The following CD79B variants were observed in gnomAD, a reference collection of about 807,000 sequenced individuals.
The protein encoded by CD79B is CD79b molecule, also known as B-cell antigen receptor complex-associated protein beta chain.
In CD79B, 7 loss-of-function variants were observed where a neutral mutation model predicts 30.0. The observed-to-expected ratio is 0.23, with a 90% CI of 0.13 to 0.44. The LOEUF is 0.44. Among genes scored for constraint, CD79B ranks in the 20% least tolerant of loss-of-function variants. The pLI, the probability that CD79B is intolerant of heterozygous loss-of-function variation, is 1.00. For synonymous variants in CD79B, 118 were observed against 119.2 expected (o/e 0.99, Z 0.07); for missense variants, 218 against 299.1 (o/e 0.73, Z 2.00).
intron 1 of CD79B, chr17:63,931,978 T>G: frequency 1.6e-6 from 1 of 639,082 alleles, no homozygotes; most frequent in Non-Finnish European, 2.9e-6. Flanking sequence ...AGCCTGATGC[T>G]CTCCAGGCAG....
chr17:63,929,919 G>A, intron 3 of CD79B, 31 bp from the exon 4 acceptor site: 2 of 1,577,502 alleles, frequency 1.3e-6, no homozygotes, highest in Non-Finnish European at 1.7e-6. Flanking sequence ...TTGTGAGCCT[G>A]GGCCACAGTC....
chr17:63,932,130 A>G (rs1389782241), intron 1 of CD79B, 65 bp downstream of exon 1: 34 of 1,420,484 alleles, frequency 2.4e-5, no homozygotes, highest in Non-Finnish European at 3.3e-5. Flanking sequence ...CAGGAGGCAG[A>G]GCCGCAGGGC....
intron 5 of CD79B, 37 bp downstream of exon 5, chr17:63,929,397 G>T (rs376784116): frequency 1.4e-4 from 218 of 1,612,706 alleles, no homozygotes; most frequent in Admixed American, 4.7e-4. Context: ...CACTGACCCC[G>T]AGGACTCAGA....
At chr17:63,929,616 G>A (rs1178697671) in intron 4 of CD79B, 141 bp from the exon 5 acceptor site, 6 of 1,006,632 alleles carry the variant, frequency 6.0e-6, no homozygotes, top group African/African-American at 3.2e-5. Flanking sequence ...AATGAAGGAA[G>A]GAAGGAAGGA....
At chr17:63,931,178 C>T in intron 2 of CD79B, 157 bp downstream of exon 2, 1 of 743,856 alleles carries the variant, frequency 1.3e-6, no homozygotes, top group South Asian at 1.5e-5. Flanking sequence ...GGGTGGGGCT[C>T]AGAGGAGATC....
In CD79B at chr17:63,930,380, C is replaced by T. The variant is rs1908053121; in HGVS notation, c.124G>A (p.Ala42Thr). Residue 42 changes from alanine (A) to threonine (T), a missense_variant, in exon 3 of 6, where the codon GCT becomes ACT. Transcript: ENST00000006750. ...EDRYRNPKGS[A>T]CSRIWQSPRF... Reference sequence around the variant, plus strand: ...GGGCTCTGCCAGATCCGCGAACAAGCACTACCTGTGGGTGCCAAGGCCAGG... The same window carrying T: ...GGGCTCTGCCAGATCCGCGAACAAGTACTACCTGTGGGTGCCAAGGCCAGG... The T allele has an allele frequency of 1.5e-5, 24 of 1,613,528 alleles. No individual in the cohort carries two copies. In the East Asian group the frequency reaches 5.3e-4, roughly 36 times the overall value.
At chr17:63,932,057 C>CTGAGAGGGAGA (rs1370809219) in intron 1 of CD79B, 138 bp downstream of exon 1, 1 of 822,406 alleles carries the variant, frequency 1.2e-6, no homozygotes, top group African/African-American at 1.7e-5. Flanking sequence ...GACCCAGGCC[C>CTGAGAGGGAGA]CAGGGCCATG....
At chr17:63,929,581 G>C (rs1907987785) in intron 4 of CD79B, 106 bp from the exon 5 acceptor site, 1 of 1,224,918 alleles carries the variant, frequency 8.2e-7, no homozygotes. Flanking sequence ...GGTCAGGAGT[G>C]AGGTGCATTC....
intron 1 of CD79B, chr17:63,931,919 C>G: frequency 1.9e-6 from 1 of 531,396 alleles, no homozygotes; most frequent in Non-Finnish European, 3.4e-6. Context: ...GAGCCTAGTT[C>G]TTCCACGGTC....
At chr17:63,930,819 G>C (rs1186533944) in intron 2 of CD79B, 1 of 309,706 alleles carries the variant, frequency 3.2e-6, no homozygotes, top group Non-Finnish European at 6.2e-6. Flanking sequence ...CAAATTCCTA[G>C]TCTGTCAACT....
At chr17:63,932,062 G>C (rs1338632500) in intron 1 of CD79B, 133 bp downstream of exon 1, 15 of 840,954 alleles carry the variant, frequency 1.8e-5, no homozygotes, top group Non-Finnish European at 2.6e-5. Context: ...AGGCCCCAGG[G>C]CCATGAGAGG....
chr17:63,931,366 G>GGCTGCTGGTACTGGCTCA lies in CD79B; in HGVS notation c.69_86dup (p.Glu24_Ala29dup). 6.2e-7 allele frequency: 1 copy of GGCTGCTGGTACTGGCTCA among 1,614,110 alleles called. No individual in the cohort carries two copies. Among genetic ancestry groups the GGCTGCTGGTACTGGCTCA allele is most frequent in the East Asian group, 2.2e-5 (1 of 44,884 alleles). ...GATTCCGGTACCGGTCCTCCGATCT[G>GGCTGCTGGTACTGGCTCA]GCTGCTGGTACTGGCTCAGCTGCTG... On this transcript the variant is annotated inframe_insertion, in exon 2 of 6. Transcript: ENST00000006750.
intron 2 of CD79B, chr17:63,931,008 G>GA: frequency 2.3e-6 from 1 of 426,606 alleles, no homozygotes; most frequent in Non-Finnish European, 4.4e-6. Context: ...CCCTGCACTG[G>GA]AGGGCTCACC....
At position 63,930,371 on chromosome 17, in the gene CD79B, G is replaced by T. The variant is rs1443194987; in HGVS notation, c.133C>A (p.Arg45=). Residue 45 remains arginine, a synonymous_variant, in exon 3 of 6, where the codon CGG becomes AGG. Transcript: ENST00000006750. ...YRNPKGSACS[R]IWQSPRFIAR... is the part of the protein sequence containing the mutation. The stretch of plus-strand genomic sequence containing the variant: ...ATGAAACGTGGGCTCTGCCAGATCC[G>T]CGAACAAGCACTACCTGTGGGTGCC... 6.2e-7 allele frequency: 1 copy of T among 1,613,692 alleles called. No individual in the cohort carries two copies. The highest frequency in any genetic ancestry group is 8.5e-7 in the Non-Finnish European group (1 of 1,179,964).
Position 63,929,281 on chromosome 17 carries a change from G to A in CD79B, c.635C>T (p.Thr212Met), listed in dbSNP as rs149266494. 29 of 1,613,884 alleles carry A rather than the reference G, an allele frequency of 1.8e-5. No individual in the cohort carries two copies. Among genetic ancestry groups the A allele is most frequent in the East Asian group, 2.2e-5 (1 of 44,890 alleles). ...DQTATYEDIV[T>M]LRTGEVKWSV... is the part of the protein sequence containing the mutation. ...CCACTTCACTTCCCCTGTCCGCAGC[G>A]TCACTATGTCCTCATAGGTGGCTGT... The change falls in exon 6 of 6, where the codon ACG becomes ATG. Residue 212 changes from threonine (T) to methionine (M), a missense_variant. Thr to Met is a moderately conservative substitution (Grantham distance 81, BLOSUM62 -1). Transcript: ENST00000006750.
At chr17:63,929,517 C>T (rs761691171) in intron 4 of CD79B, 42 bp from the exon 5 acceptor site, 1 of 1,610,060 alleles carries the variant, frequency 6.2e-7, no homozygotes, top group East Asian at 2.2e-5. Flanking sequence ...TTAGTGTCCC[C>T]CAGCCCCATC....
rs1049295020 is a variant in CD79B at position 63,932,323 on chromosome 17, C to T, written c.-62G>A. ...ACGTCCGAGGCTCCTTGGAGGAAAA[C>T]GTGTAACTGCACCGGCTGCAGCCTG... On this transcript the variant is annotated 5_prime_UTR_variant, in exon 1 of 6. Coordinates refer to ENST00000006750, the MANE Select transcript of CD79B (RefSeq NM_000626.4). 4.4e-5 allele frequency: 64 copies of T among 1,458,586 alleles called. No individual in the cohort carries two copies. Among genetic ancestry groups the T allele is most frequent in the South Asian group, 5.7e-5 (5 of 87,418 alleles). The allele number at this position is 1,458,586 out of a possible 1,614,324, so 90.4% of individuals were successfully genotyped here. A position where few individuals can be genotyped will look rare whatever the true frequency, so the allele number is the denominator to read the frequency against.
chr17:63,929,211 G>A lies in CD79B; in HGVS notation c.*15C>T. 1.3e-6 allele frequency: 2 copies of A among 1,558,398 alleles called. No homozygotes were observed. Among genetic ancestry groups the A allele is most frequent in the Middle Eastern group, 1.7e-4 (1 of 5,926 alleles). Reference sequence around the variant, plus strand: ...GCCAGGGAGCCTGCACCCAGGTCATGGGGCGACCTGGCTCTCACTCCTGGC... The same window carrying A: ...GCCAGGGAGCCTGCACCCAGGTCATAGGGCGACCTGGCTCTCACTCCTGGC... On this transcript the variant is annotated 3_prime_UTR_variant, in exon 6 of 6. Coordinates refer to ENST00000006750, the MANE Select transcript of CD79B (RefSeq NM_000626.4).
chr17:63,929,359 C>T, intron 5 of CD79B, 35 bp from the exon 6 acceptor site: 1 of 1,610,000 alleles, frequency 6.2e-7, no homozygotes, highest in Non-Finnish European at 8.5e-7. Context: ...GCCGGGACCA[C>T]ACCCCAACCA....
Sources: allele counts gnomAD v4.1 joint callset, GRCh38; gene constraint gnomAD v4.1.1; transcripts MANE v1.5; gene names NCBI Gene and HGNC (gene_info 2026-07-23, HGNC 2026-07-21).